SLC5A9: variants seen among roughly 807,000 people sequenced by gnomAD.
The protein encoded by SLC5A9 is solute carrier family 5 member 9.
In SLC5A9, 59 loss-of-function variants were observed where a neutral mutation model predicts 70.9. That is an observed-to-expected ratio of 0.83 (90% CI 0.68 to 1.03). The LOEUF (loss-of-function observed/expected upper bound fraction) is 1.03, where lower values mean the gene tolerates loss of function less well. SLC5A9 is among the 50% of genes least tolerant of loss of function. The pLI is 0.00. For missense variants in SLC5A9, 832 were observed against 881.1 expected, an observed-to-expected ratio of 0.94 and a Z score of 0.71; for synonymous variants, 340 against 346.5, an observed-to-expected ratio of 0.98 and a Z score of 0.21.
rs779168455 is a variant in SLC5A9 at position 48,232,552 on chromosome 1, A to C, written c.1033+50A>C. ...GTATTGGGATCTGAGGCTTTCAAGG[A>C]GTGTCTGGAGAATGGGAATGTGGCC... On this transcript the variant is annotated intron_variant, in intron 8 of 13. Coordinates refer to ENST00000438567, the MANE Select transcript of SLC5A9 (RefSeq NM_001011547.3). 34 of 1,605,122 alleles carry C rather than the reference A, an allele frequency of 2.1e-5. No individual in the cohort carries two copies. The East Asian group carries it at 4.5e-4, about 21-fold the overall frequency.
chr1:48,231,893 A>C, intron 6 of SLC5A9, 53 bp from the exon 7 acceptor site: 1 of 1,607,848 alleles, frequency 6.2e-7, no homozygotes, highest in Non-Finnish European at 8.5e-7. Context: ...GGGCTTGCTG[A>C]GTGACAGGCT....
chr1:48,231,902 C>A, intron 6 of SLC5A9, 44 bp from the exon 7 acceptor site: 1 of 1,611,624 alleles, frequency 6.2e-7, no homozygotes, highest in Non-Finnish European at 8.5e-7. Context: ...GAGTGACAGG[C>A]TCAGTGGGGT....
chr1:48,242,471 A>G lies in SLC5A9; in HGVS notation c.1692A>G (p.Thr564=), dbSNP rs1393876246. The G allele has an allele frequency of 1.2e-6, 2 of 1,608,038 alleles. No homozygotes were observed. Among genetic ancestry groups the G allele is most frequent in the Non-Finnish European group, 1.7e-6 (2 of 1,176,310 alleles). Reference sequence around the variant, plus strand: ...TTTCCCTCCAGCTCACACGCCTCACATGGTGGACTCGGAACTGCCCCCTCT... The same window carrying G: ...TTTCCCTCCAGCTCACACGCCTCACGTGGTGGACTCGGAACTGCCCCCTCT... ...PIPEEQLTRL[T]WWTRNCPLSE... The change falls in exon 13 of 14, where the codon ACA becomes ACG. Residue 564 remains threonine, a synonymous_variant. Coordinates refer to ENST00000438567, the MANE Select transcript of SLC5A9 (RefSeq NM_001011547.3).
At chr1:48,244,080 A>G (rs1328633216) in intron 13 of SLC5A9, among the ~76,000 whole-genome samples, 1 of 152,262 alleles carries the variant, frequency 6.6e-6, no homozygotes, top group African/African-American at 2.4e-5. Flanking sequence ...AGGCAGAGAA[A>G]TAAAATGCAT....
intron 8 of SLC5A9, 74 bp from the exon 9 acceptor site, chr1:48,233,581 T>C: frequency 8.6e-7 from 1 of 1,167,594 alleles, no homozygotes; most frequent in Non-Finnish European, 1.3e-6. Flanking sequence ...TCCTGTAGTT[T>C]TGGAAAGCAA....
chr1:48,236,524 T>A (rs975538460), intron 10 of SLC5A9, among the ~76,000 whole-genome samples: 1 of 152,232 alleles, frequency 6.6e-6, no homozygotes, highest in Non-Finnish European at 1.5e-5. Context: ...AAGCATAACT[T>A]GGTGGCTAAA....
chr1:48,241,845 A>G (rs1185732395), intron 12 of SLC5A9: 1 of 444,170 alleles, frequency 2.3e-6, no homozygotes, highest in African/African-American at 2.0e-5. Context: ...CACCCAAGGC[A>G]GGAACCCTGG....
intron 4 of SLC5A9, among the ~76,000 whole-genome samples, chr1:48,230,199 G>A (rs1221169839): frequency 6.6e-6 from 1 of 152,228 alleles, no homozygotes; most frequent in East Asian, 1.9e-4. Context: ...CCACCTGACA[G>A]CCAAGCAGGC....
intron 5 of SLC5A9, 80 bp from the exon 6 acceptor site, chr1:48,231,465 G>C (rs1557471979): frequency 6.4e-7 from 1 of 1,554,344 alleles, no homozygotes; most frequent in Non-Finnish European, 8.8e-7. Flanking sequence ...GGTCTCCCCA[G>C]TGTGGCCATG....
At chr1:48,241,524 A>G (rs940248835) in intron 12 of SLC5A9, among the ~76,000 whole-genome samples, 2 of 152,152 alleles carry the variant, frequency 1.3e-5, no homozygotes, top group Non-Finnish European at 2.9e-5. Context: ...GTCCAACATC[A>G]CTGATATAAG....
chr1:48,223,018 T>C, intron 1 of SLC5A9, 120 bp downstream of exon 1: 1 of 1,081,710 alleles, frequency 9.2e-7, no homozygotes, highest in Non-Finnish European at 1.3e-6. Context: ...ACCATGTGGC[T>C]GAGAAGGAAG....
chr1:48,225,713 T>C (rs535224341), intron 2 of SLC5A9, among the ~76,000 whole-genome samples: 1 of 151,944 alleles, frequency 6.6e-6, no homozygotes, highest in African/African-American at 2.4e-5. Context: ...CCCGCACTCA[T>C]ACATGCTTGC....
chr1:48,231,400 G>A, intron 5 of SLC5A9, 145 bp from the exon 6 acceptor site: 1 of 989,018 alleles, frequency 1.0e-6, no homozygotes. Context: ...AACACTAGGT[G>A]CGGAGAAAGG....
intron 12 of SLC5A9, among the ~76,000 whole-genome samples, chr1:48,240,687 C>T (rs1474330891): frequency 6.6e-6 from 1 of 152,184 alleles, no homozygotes; most frequent in African/African-American, 2.4e-5. Flanking sequence ...CACTCTTCTT[C>T]CCGAAGTCTT....
rs72887936 is a variant in SLC5A9 at position 48,246,770 on chromosome 1, G to T, written c.1838-565G>T. On this transcript the variant is annotated intron_variant, in intron 13 of 13. Transcript: ENST00000438567. ...TTGGTAGTCAGAACAACCTGGAGAA[G>T]AATGGGGCATATGTCATTGATACAT... Among the ~76,000 whole-genome samples the T allele has an allele frequency of 9.5e-3, 1,444 of 152,294 alleles. 16 individuals are homozygous for T. Among genetic ancestry groups the T allele is most frequent in the African/African-American group, 0.033 (1,390 of 41,562 alleles).
At chr1:48,245,965 T>A (rs1644456005) in intron 13 of SLC5A9, among the ~76,000 whole-genome samples, 1 of 150,780 alleles carries the variant, frequency 6.6e-6, no homozygotes. Flanking sequence ...TGTCTCAAAA[T>A]ATATATATAA....
chr1:48,228,617 G>T (rs1644198648), intron 2 of SLC5A9: 1 of 593,322 alleles, frequency 1.7e-6, no homozygotes. Context: ...TACTCACTGG[G>T]TGACCTGGAG....
intron 11 of SLC5A9, among the ~76,000 whole-genome samples, 163 bp downstream of exon 11, chr1:48,238,010 T>A (rs890791306): frequency 1.3e-5 from 2 of 152,154 alleles, no homozygotes; most frequent in Non-Finnish European, 2.9e-5. Flanking sequence ...TCAACAAACA[T>A]TTATCAGCCT....
Position 48,237,835 on chromosome 1 carries a change from G to A in SLC5A9, c.1449G>A (p.Arg483=). Residue 483 remains arginine (R), a synonymous_variant, in exon 11 of 14, where the codon AGG becomes AGA. Transcript: ENST00000438567. ...ALFLLAIFCK[R]VTEPGAFWGL... Reference sequence around the variant, plus strand: ...TCCTGCTGGCCATCTTCTGCAAGAGGGTCACAGAGCCCGTGAGTGCAGTGT... The same window carrying A: ...TCCTGCTGGCCATCTTCTGCAAGAGAGTCACAGAGCCCGTGAGTGCAGTGT... The A allele has an allele frequency of 6.2e-7, 1 of 1,613,992 alleles. No individual in the cohort carries two copies. The highest frequency in any genetic ancestry group is 8.5e-7 in the Non-Finnish European group (1 of 1,179,984).
Sources: gnomAD v4.1 joint callset for allele counts (sites outside exome capture counted in the v4.1 genomes callset) on GRCh38, gnomAD v4.1.1 for gene constraint, MANE v1.5 for transcripts, NCBI Gene and HGNC (gene_info 2026-07-23, HGNC 2026-07-21) for gene names.